Variants in WSCD2 observed in about 807,000 individuals in gnomAD.
WSCD2 encodes the protein sialate:O-sulfotransferase 2.
In WSCD2, 28 loss-of-function variants were observed where a neutral mutation model predicts 55.7. The ratio of observed to expected loss-of-function variants is 0.50; its 90% confidence interval spans 0.37 to 0.69. The LOEUF is 0.69. Ranked by LOEUF, WSCD2 falls within the 30% of genes least tolerant of loss-of-function variation. WSCD2 has a pLI of 0.00. For synonymous variants in WSCD2, 301 were observed against 301.9 expected, an observed-to-expected ratio of 1.00 and a Z score of 0.03; for missense variants, 616 against 762.1, an observed-to-expected ratio of 0.81 and a Z score of 2.26.
intron 4 of WSCD2, among the ~76,000 whole-genome samples, chr12:108,217,993 C>T (rs974944305): frequency 6.6e-5 from 10 of 152,272 alleles, no homozygotes; most frequent in African/African-American, 2.4e-4. Flanking sequence ...GAAGAAATCA[C>T]ATGGAGAAAT....
chr12:108,210,059 T>C lies in WSCD2; in HGVS notation c.498-62T>C. On this transcript the variant is annotated intron_variant, in intron 3 of 8. Coordinates refer to ENST00000547525, the MANE Select transcript of WSCD2 (RefSeq NM_014653.4). The surrounding 1 kb of genome is among the most constrained non-coding windows in gnomAD (Gnocchi z 4.3). ...TCCCATCCCCCAGGTCTCCATGTTG[T>C]GTCTCCCTGCCTCGGGGTCTCCATG... is the stretch of plus-strand genomic sequence containing the variant. 5.6e-6 allele frequency: 9 copies of C among 1,606,634 alleles called. No homozygotes were observed. Among genetic ancestry groups the C allele is most frequent in the Non-Finnish European group, 7.7e-6 (9 of 1,174,846 alleles).
chr12:108,221,990 T>C (rs1887583699), intron 4 of WSCD2, among the ~76,000 whole-genome samples: 2 of 152,186 alleles, frequency 1.3e-5, no homozygotes, highest in Non-Finnish European at 2.9e-5. Flanking sequence ...CCTAATGTCC[T>C]CTTAGTTTTC....
intron 2 of WSCD2, among the ~76,000 whole-genome samples, chr12:108,203,410 G>C (rs1884954873): frequency 6.6e-6 from 1 of 152,184 alleles, no homozygotes; most frequent in African/African-American, 2.4e-5. Context: ...GCACCTGGGA[G>C]AGGCAGATTT....
intron 1 of WSCD2, among the ~76,000 whole-genome samples, chr12:108,141,196 A>G (rs1055497040): frequency 8.5e-5 from 13 of 152,334 alleles, no homozygotes; most frequent in Admixed American, 7.2e-4. Context: ...TGAGACTTAC[A>G]GGCAAGTGCC....
intron 1 of WSCD2, among the ~76,000 whole-genome samples, chr12:108,194,236 G>T (rs2137042791): frequency 6.6e-6 from 1 of 152,270 alleles, no homozygotes; most frequent in South Asian, 2.1e-4. Context: ...GGTTGGAAAG[G>T]TTAGGAATCT....
intron 1 of WSCD2, among the ~76,000 whole-genome samples, chr12:108,130,130 C>G (rs1875334581): frequency 6.6e-6 from 1 of 152,226 alleles, no homozygotes; most frequent in Non-Finnish European, 1.5e-5. Flanking sequence ...CAAACTTTCT[C>G]TCCTCTGGCA....
chr12:108,133,480 G>C (rs1717538810), intron 1 of WSCD2, among the ~76,000 whole-genome samples: 1 of 152,176 alleles, frequency 6.6e-6, no homozygotes. Context: ...ATCTCTGAGG[G>C]TGTGTCTGAG....
intron 1 of WSCD2, among the ~76,000 whole-genome samples, chr12:108,186,926 C>T (rs751984989): frequency 2.6e-5 from 4 of 152,100 alleles, no homozygotes; most frequent in African/African-American, 4.8e-5. Flanking sequence ...AAGTCTTTCT[C>T]GGGTCCTTTG....
chr12:108,164,825 T>G (rs1408503064), intron 1 of WSCD2, among the ~76,000 whole-genome samples: 1 of 152,086 alleles, frequency 6.6e-6, no homozygotes, highest in African/African-American at 2.4e-5. Flanking sequence ...GCCCAATAAC[T>G]CCTCACATCC....
chr12:108,135,055 G>A (rs529609070), intron 1 of WSCD2, among the ~76,000 whole-genome samples: 22 of 152,266 alleles, frequency 1.4e-4, no homozygotes, highest in African/African-American at 4.8e-4. Context: ...TTTGGTTCGC[G>A]GAAGTGAATC....
intron 1 of WSCD2, among the ~76,000 whole-genome samples, chr12:108,168,247 A>C (rs1879866857): frequency 6.6e-6 from 1 of 152,228 alleles, no homozygotes; most frequent in African/African-American, 2.4e-5. Context: ...TCGTGAGGTC[A>C]AGGGTATGAA....
At chr12:108,219,274 CTA>C (rs569948345) in intron 4 of WSCD2, among the ~76,000 whole-genome samples, 302 of 152,312 alleles carry the variant, frequency 2.0e-3, no homozygotes, top group African/African-American at 6.9e-3. Flanking sequence ...CCATAGACTC[CTA>C]TGTTCCCCCA....
chr12:108,130,878 C>T (rs147946824), intron 1 of WSCD2, among the ~76,000 whole-genome samples: 2 of 152,220 alleles, frequency 1.3e-5, no homozygotes, highest in African/African-American at 4.8e-5. Context: ...ATGCACAGCT[C>T]ATAAGTTTGG....
intron 1 of WSCD2, among the ~76,000 whole-genome samples, chr12:108,147,736 G>A (rs535709096): frequency 7.9e-5 from 12 of 152,148 alleles, no homozygotes; most frequent in Middle Eastern, 3.4e-3. Flanking sequence ...GAAATTAGCC[G>A]GGTGTGGTGT....
At chr12:108,246,191 C>T (rs1335935847) in intron 8 of WSCD2, among the ~76,000 whole-genome samples, 1 of 152,206 alleles carries the variant, frequency 6.6e-6, no homozygotes, top group Admixed American at 6.5e-5. Context: ...CAGTTTCCTC[C>T]CTGGTGAGGA....
At chr12:108,175,871 G>A (rs927138878) in intron 1 of WSCD2, among the ~76,000 whole-genome samples, 7 of 151,800 alleles carry the variant, frequency 4.6e-5, no homozygotes, top group East Asian at 1.9e-4. Flanking sequence ...ACAGAGTCTC[G>A]CTCTGTCGCC....
Position 108,240,552 on chromosome 12 carries a change from T to A in WSCD2, c.1345+8T>A, listed in dbSNP as rs754069653. 3.4e-6 allele frequency: 4 copies of A among 1,176,858 alleles called. No individual in the cohort carries two copies. Among genetic ancestry groups the A allele is most frequent in the East Asian group, 6.3e-5 (1 of 15,906 alleles). 72.9% of individuals were successfully genotyped at this position (1,176,858 alleles called of 1,614,324 possible). On this transcript the variant is annotated splice_region_variant and intron_variant, in intron 8 of 8. Transcript: ENST00000547525. Reference sequence around the variant, plus strand: ...CCCACTGGAAGGGCAAAGGTACAGCTCGGGAGAGGAGGGGAGGGGAGGGGA... The same window carrying A: ...CCCACTGGAAGGGCAAAGGTACAGCACGGGAGAGGAGGGGAGGGGAGGGGA...
chr12:108,234,026 T>G (rs1889046904), intron 7 of WSCD2, among the ~76,000 whole-genome samples: 1 of 152,226 alleles, frequency 6.6e-6, no homozygotes, highest in Non-Finnish European at 1.5e-5. Flanking sequence ...CTCATGAGGT[T>G]GTTTCAAAGC....
At chr12:108,141,486 C>T (rs565473832) in intron 1 of WSCD2, among the ~76,000 whole-genome samples, 30 of 152,168 alleles carry the variant, frequency 2.0e-4, no homozygotes, top group Non-Finnish European at 4.0e-4. Context: ...TTTGGAGGTT[C>T]GAGGGGGAGA....
Sources: allele counts gnomAD v4.1 joint callset (sites outside exome capture counted in the v4.1 genomes callset), GRCh38; gene constraint gnomAD v4.1.1; non-coding constraint Gnocchi (gnomAD v3.1); transcripts MANE v1.5; gene names NCBI Gene and HGNC (gene_info 2026-07-23, HGNC 2026-07-21).